Variants in PCLO observed in about 807,000 individuals in gnomAD.
PCLO encodes piccolo presynaptic cytomatrix protein, also known as protein piccolo.
Under a neutral mutation model 427.5 loss-of-function variants are expected in PCLO, and 82 were observed. The ratio of observed to expected loss-of-function variants is 0.19; its 90% CI spans 0.16 to 0.23. PCLO has a LOEUF of 0.23. Among genes scored for constraint, PCLO ranks in the 10% least tolerant of loss-of-function variants. The pLI is 1.00. For synonymous variants in PCLO, 2,357 were observed against 2,155.4 expected (o/e 1.09, Z -2.59); for missense variants, 6,239 against 6,115.9 (o/e 1.02, Z -0.67).
intron 3 of PCLO, among the ~76,000 whole-genome samples, chr7:83,040,599 C>G (rs143105614): frequency 2.0e-5 from 3 of 152,190 alleles, no homozygotes; most frequent in African/African-American, 7.2e-5. Context: ...AATTATTTTC[C>G]GGCAGACTAG....
chr7:82,807,969 A>G (rs1172997830), intron 20 of PCLO, among the ~76,000 whole-genome samples: 1 of 152,048 alleles, frequency 6.6e-6, no homozygotes, highest in African/African-American at 2.4e-5. Flanking sequence ...AGTGTTAAAA[A>G]AAACTTCTTA....
At chr7:82,872,500 A>G (rs1020895993) in intron 10 of PCLO, among the ~76,000 whole-genome samples, 2 of 152,120 alleles carry the variant, frequency 1.3e-5, no homozygotes, top group South Asian at 2.1e-4. Flanking sequence ...TGACAAATGT[A>G]AAAACAGTAT....
At chr7:82,907,015 G>A (rs1196699907) in intron 8 of PCLO, among the ~76,000 whole-genome samples, 2 of 151,760 alleles carry the variant, frequency 1.3e-5, no homozygotes, top group African/African-American at 2.4e-5. Flanking sequence ...TTATTACTAT[G>A]TACCCAGTAG....
At chr7:83,044,739 C>T (rs996227100) in intron 3 of PCLO, among the ~76,000 whole-genome samples, 3 of 152,004 alleles carry the variant, frequency 2.0e-5, no homozygotes, top group African/African-American at 7.2e-5. Flanking sequence ...CACTAAATCG[C>T]ACATGTAACA....
intron 9 of PCLO, among the ~76,000 whole-genome samples, chr7:82,893,820 T>C (rs1793836186): frequency 6.6e-6 from 1 of 151,996 alleles, no homozygotes; most frequent in Non-Finnish European, 1.5e-5. Context: ...TTTAGAATTG[T>C]TATTATGTTC....
At chr7:82,843,603 C>CA (rs928700308) in intron 13 of PCLO, among the ~76,000 whole-genome samples, 2 of 148,720 alleles carry the variant, frequency 1.3e-5, no homozygotes, top group African/African-American at 4.9e-5. Context: ...GTTCGGACCA[C>CA]AAAAAAATAA....
chr7:82,822,762 A>G, intron 19 of PCLO, 73 bp from the exon 20 acceptor site: 1 of 1,270,214 alleles, frequency 7.9e-7, no homozygotes, highest in Non-Finnish European at 1.1e-6. Flanking sequence ...TTTACACATA[A>G]TTTGAAACTG....
intron 22 of PCLO, among the ~76,000 whole-genome samples, chr7:82,772,650 T>C (rs764657193): frequency 5.9e-5 from 9 of 152,200 alleles, no homozygotes; most frequent in Non-Finnish European, 8.8e-5. Context: ...TATTCTGTTA[T>C]ATAAAGAAAT....
At chr7:83,113,693 T>C (rs369921194) in intron 3 of PCLO, among the ~76,000 whole-genome samples, 2 of 152,136 alleles carry the variant, frequency 1.3e-5, no homozygotes, top group Non-Finnish European at 1.5e-5. Context: ...CTGGCACTCA[T>C]AGAACTTGCA....
intron 18 of PCLO, 22 bp from the exon 19 acceptor site, chr7:82,824,438 A>G: frequency 6.6e-7 from 1 of 1,508,308 alleles, no homozygotes; most frequent in South Asian, 1.2e-5. Flanking sequence ...TGTAACAAAT[A>G]AATGAAATTT....
intron 3 of PCLO, among the ~76,000 whole-genome samples, chr7:83,094,553 G>T (rs1790483005): frequency 6.6e-6 from 1 of 152,144 alleles, no homozygotes; most frequent in South Asian, 2.1e-4. Flanking sequence ...AGACTATTCA[G>T]ATTGTTGTAT....
Position 82,966,421 on chromosome 7 carries a change from G to T in PCLO, c.3367C>A (p.Arg1123Ser). ...RAISGQLGDI[R>S]KMPPAPSGPK... ...CCTGATGGTGCAGGTGGCATTTTGCGTATGTCTCCAAGCTGTCCTGATATT... is the reference window on the plus strand; with the variant it reads ...CCTGATGGTGCAGGTGGCATTTTGCTTATGTCTCCAAGCTGTCCTGATATT... The change falls in exon 4 of 25, where the codon CGC (arginine) becomes AGC (serine). Residue 1123 changes from arginine to serine, a missense_variant. Arg to Ser is a moderately radical substitution (Grantham distance 110). Transcript: ENST00000333891. The T allele has an allele frequency of 6.2e-7, 1 of 1,613,014 alleles. No homozygotes were observed.
chr7:82,963,543 C>T (rs9969324), intron 4 of PCLO, among the ~76,000 whole-genome samples: 11,194 of 151,814 alleles, frequency 0.074, 1,401 homozygotes, highest in African/African-American at 0.26. Flanking sequence ...ATCTTTTTTT[C>T]CTGCTCTGAA....
At chr7:82,948,980 A>C (rs937601449) in intron 6 of PCLO, among the ~76,000 whole-genome samples, 1 of 152,190 alleles carries the variant, frequency 6.6e-6, no homozygotes, top group Non-Finnish European at 1.5e-5. Flanking sequence ...TGGCTGGAAG[A>C]AGAGGATACT....
intron 3 of PCLO, among the ~76,000 whole-genome samples, chr7:83,085,072 G>A (rs537917147): frequency 4.6e-5 from 7 of 152,150 alleles, no homozygotes; most frequent in African/African-American, 1.7e-4. Context: ...TGTGCTTATC[G>A]TGGTTGGCTC....
At chr7:82,992,834 G>A (rs945510538) in intron 3 of PCLO, among the ~76,000 whole-genome samples, 9 of 139,450 alleles carry the variant, frequency 6.5e-5, no homozygotes, top group Non-Finnish European at 1.2e-4. Context: ...CTCTTTTAAA[G>A]TACATTCATT....
chr7:82,764,879 TA>T (rs1346989005), intron 22 of PCLO, among the ~76,000 whole-genome samples: 5 of 151,798 alleles, frequency 3.3e-5, no homozygotes, highest in African/African-American at 4.8e-5. Flanking sequence ...GCAAGTGAAC[TA>T]AAAAACTAGA....
chr7:82,769,472 C>T (rs1790602924), intron 22 of PCLO, among the ~76,000 whole-genome samples: 1 of 152,084 alleles, frequency 6.6e-6, no homozygotes. Flanking sequence ...GTCTGTACCA[C>T]TTAACTGGAC....
At chr7:82,808,170 G>A (rs1259550893) in intron 20 of PCLO, among the ~76,000 whole-genome samples, 1 of 151,374 alleles carries the variant, frequency 6.6e-6, no homozygotes, top group African/African-American at 2.4e-5. Flanking sequence ...GACATTGAAT[G>A]GAAGACATTA....
Sources: allele counts gnomAD v4.1 joint callset (sites outside exome capture counted in the v4.1 genomes callset), GRCh38; gene constraint gnomAD v4.1.1; transcripts MANE v1.5; gene names NCBI Gene and HGNC (gene_info 2026-07-23, HGNC 2026-07-21).